The following SEMA5A variants were observed in gnomAD, a reference collection of about 807,000 sequenced individuals.
SEMA5A encodes semaphorin 5A, also known as semaphorin-5A.
In SEMA5A, 55 loss-of-function variants were observed where a neutral mutation model predicts 135.5. The ratio of observed to expected loss-of-function variants is 0.41; its 90% CI spans 0.33 to 0.51. The LOEUF (loss-of-function observed/expected upper bound fraction) is 0.51. Among genes scored for constraint, SEMA5A ranks in the 20% least tolerant of loss-of-function variants. SEMA5A has a pLI of 0.37. For synonymous variants in SEMA5A, 580 were observed against 546.5 expected, an observed-to-expected ratio of 1.06 and a Z score of -0.85; for missense variants, 1,290 against 1,419.9, an observed-to-expected ratio of 0.91 and a Z score of 1.47.
At chr5:9,458,358 G>A (rs562435869) in intron 1 of SEMA5A, among the ~76,000 whole-genome samples, 142 of 152,270 alleles carry the variant, frequency 9.3e-4, no homozygotes, top group African/African-American at 3.3e-3. Context: ...CCTAAAAATT[G>A]ATCTGATGAA....
At position 9,409,538 on chromosome 5, in the gene SEMA5A, C is replaced by G. The variant is rs192656070; in HGVS notation, c.-78+28218G>C. Among the ~76,000 whole-genome samples, 139 of 152,052 alleles carry G rather than the reference C, an allele frequency of 9.1e-4. 1 individual carries two copies. Among genetic ancestry groups the G allele is most frequent in the African/African-American group, 2.9e-3 (122 of 41,466 alleles). On this transcript the variant is annotated intron_variant, in intron 2 of 22. Coordinates refer to ENST00000382496, the MANE Select transcript of SEMA5A (RefSeq NM_003966.3). ...GCATGCCCCCAGCCCTGGGCTCCCC[C>G]TCCCGACCCACACCTGTGAGGGGAC...
chr5:9,428,622 A>T (rs1198123311), intron 2 of SEMA5A, among the ~76,000 whole-genome samples: 1 of 152,216 alleles, frequency 6.6e-6, no homozygotes, highest in Non-Finnish European at 1.5e-5. Context: ...GTACACTGTA[A>T]GTGATGTTCA....
intron 13 of SEMA5A, among the ~76,000 whole-genome samples, chr5:9,130,045 A>T (rs1741322065): frequency 6.6e-6 from 1 of 152,180 alleles, no homozygotes; most frequent in Non-Finnish European, 1.5e-5. Flanking sequence ...TGTAATAGCA[A>T]ATTTCCCTTC....
At chr5:9,054,281 G>T in intron 18 of SEMA5A, 24 bp from the exon 19 acceptor site, 1 of 1,604,870 alleles carries the variant, frequency 6.2e-7, no homozygotes, top group Non-Finnish European at 8.5e-7. Flanking sequence ...CAATGTCACA[G>T]CTCTTCTATA....
At chr5:9,316,140 T>C (rs1752380252) in intron 5 of SEMA5A, among the ~76,000 whole-genome samples, 1 of 152,182 alleles carries the variant, frequency 6.6e-6, no homozygotes, top group South Asian at 2.1e-4. Flanking sequence ...TCTGGCATTA[T>C]CTATTTTGAC....
chr5:9,311,659 G>A (rs181429239), intron 5 of SEMA5A, among the ~76,000 whole-genome samples: 122 of 151,078 alleles, frequency 8.1e-4, no homozygotes, highest in African/African-American at 2.9e-3. Flanking sequence ...TGAGTTAATG[G>A]GTACAGCACA....
intron 1 of SEMA5A, among the ~76,000 whole-genome samples, chr5:9,485,626 G>A (rs1734664631): frequency 6.6e-6 from 1 of 152,170 alleles, no homozygotes; most frequent in South Asian, 2.1e-4. Context: ...GACCGCTTGG[G>A]CTATAGAGGC....
At chr5:9,331,888 A>G (rs1020665988) in intron 4 of SEMA5A, among the ~76,000 whole-genome samples, 5 of 148,762 alleles carry the variant, frequency 3.4e-5, no homozygotes, top group Non-Finnish European at 5.9e-5. Context: ...AGCCAAACAA[A>G]TGGTTCAAAA....
intron 1 of SEMA5A, among the ~76,000 whole-genome samples, chr5:9,514,920 A>T (rs1736421198): frequency 6.6e-6 from 1 of 152,228 alleles, no homozygotes; most frequent in Admixed American, 6.5e-5. Context: ...CTTATGGATA[A>T]AAAATTGTGG....
chr5:9,374,633 G>A (rs1470486589), intron 3 of SEMA5A, among the ~76,000 whole-genome samples: 1 of 139,358 alleles, frequency 7.2e-6, no homozygotes, highest in Admixed American at 7.1e-5. Context: ...GTGTGTGTGT[G>A]TGTGTGTGTG....
chr5:9,446,342 G>T (rs1034519772), intron 1 of SEMA5A, among the ~76,000 whole-genome samples: 1 of 152,132 alleles, frequency 6.6e-6, no homozygotes, highest in Non-Finnish European at 1.5e-5. Flanking sequence ...GGGCAAAAAT[G>T]ACTTCTTTAT....
chr5:9,375,854 G>T (rs751853655), intron 3 of SEMA5A, among the ~76,000 whole-genome samples: 1 of 151,654 alleles, frequency 6.6e-6, no homozygotes, highest in Non-Finnish European at 1.5e-5. Flanking sequence ...AGAAAGGCTT[G>T]CCCTCAACTA....
intron 5 of SEMA5A, among the ~76,000 whole-genome samples, chr5:9,270,657 G>A (rs1478827324): frequency 6.6e-6 from 1 of 151,736 alleles, no homozygotes; most frequent in Non-Finnish European, 1.5e-5. Flanking sequence ...AATATACCTA[G>A]AAAGCAGCAG....
At chr5:9,224,993 C>A in intron 7 of SEMA5A, 106 bp from the exon 8 acceptor site, 1 of 1,072,094 alleles carries the variant, frequency 9.3e-7, no homozygotes, top group Non-Finnish European at 1.3e-6. Context: ...GCAACAGCCT[C>A]TCGGGGGCCC....
chr5:9,222,609 G>A (rs916314980), intron 8 of SEMA5A, among the ~76,000 whole-genome samples: 7 of 152,208 alleles, frequency 4.6e-5, no homozygotes, highest in African/African-American at 1.2e-4. Flanking sequence ...TTCAGTGTCT[G>A]CAGTTATCAG....
chr5:9,395,206 T>C (rs1756335051), intron 2 of SEMA5A, among the ~76,000 whole-genome samples: 2 of 152,100 alleles, frequency 1.3e-5, no homozygotes, highest in African/African-American at 4.8e-5. Context: ...ACTTGCCAGG[T>C]ATAAGACAGC....
chr5:9,478,984 T>C (rs762957445), intron 1 of SEMA5A, among the ~76,000 whole-genome samples: 3 of 152,202 alleles, frequency 2.0e-5, no homozygotes, highest in African/African-American at 7.2e-5. Flanking sequence ...GATTGAATCA[T>C]TGGGGTAGTT....
intron 16 of SEMA5A, among the ~76,000 whole-genome samples, chr5:9,088,895 T>C (rs910480555): frequency 1.3e-5 from 2 of 152,132 alleles, no homozygotes; most frequent in African/African-American, 4.8e-5. Context: ...CCCACTCCCG[T>C]GGCCTGTATA....
rs1000135298 is a variant in SEMA5A at position 9,042,496 on chromosome 5, G to A, written c.*401C>T. On this transcript the variant is annotated 3_prime_UTR_variant, in exon 23 of 23. Coordinates refer to ENST00000382496, the MANE Select transcript of SEMA5A (RefSeq NM_003966.3). ...GACCTATGCACTTCTTGTGGAAGGA[G>A]CAGGTCTTTCAGAGAAAGTGCCTAT... The A allele has an allele frequency of 1.0e-4, 23 of 228,298 alleles. 1 individual carries two copies. Among genetic ancestry groups the A allele is most frequent in the African/African-American group, 5.4e-4 (23 of 42,226 alleles). 14.1% of individuals were successfully genotyped at this position (228,298 alleles called of 1,614,324 possible). A position where few individuals can be genotyped will look rare whatever the true frequency, so the allele number is the denominator to read the frequency against.
Sources: allele counts gnomAD v4.1 joint callset (sites outside exome capture counted in the v4.1 genomes callset), GRCh38; gene constraint gnomAD v4.1.1; transcripts MANE v1.5; gene names NCBI Gene and HGNC (gene_info 2026-07-23, HGNC 2026-07-21).